Variants in PDZRN4 observed in about 807,000 individuals in gnomAD.
PDZRN4 encodes PDZ domain containing ring finger 4.
A neutral mutation model predicts 99.0 loss-of-function variants in PDZRN4; 70 were observed. The observed-to-expected ratio is 0.71, with a 90% CI of 0.58 to 0.86. The LOEUF (loss-of-function observed/expected upper bound fraction) is 0.86. Among genes scored for constraint, PDZRN4 ranks in the 40% least tolerant of loss-of-function variants. PDZRN4 has a pLI of 0.00. For synonymous variants in PDZRN4, 551 were observed against 501.6 expected, an observed-to-expected ratio of 1.10 and a Z score of -1.32; for missense variants, 1,474 against 1,331.2, an observed-to-expected ratio of 1.11 and a Z score of -1.67.
At chr12:41,211,639 A>G (rs7301200) in intron 3 of PDZRN4, among the ~76,000 whole-genome samples, 104,782 of 151,752 alleles carry the variant, frequency 0.69, 36,451 homozygotes, top group South Asian at 0.75. Flanking sequence ...CAGGAAGAAG[A>G]CCATCTGTAG....
intron 5 of PDZRN4, among the ~76,000 whole-genome samples, chr12:41,531,521 T>C (rs1474520654): frequency 1.3e-5 from 2 of 152,166 alleles, no homozygotes; most frequent in African/African-American, 2.4e-5. Flanking sequence ...TAGGCTTTTA[T>C]AGGCCCAGGA....
At chr12:41,304,163 A>G (rs1951554593) in intron 3 of PDZRN4, among the ~76,000 whole-genome samples, 1 of 152,230 alleles carries the variant, frequency 6.6e-6, no homozygotes, top group Non-Finnish European at 1.5e-5. Context: ...AAAGCATGGA[A>G]GAGTATGCTG....
chr12:41,401,003 A>T (rs1952285207), intron 3 of PDZRN4, among the ~76,000 whole-genome samples: 1 of 152,146 alleles, frequency 6.6e-6, no homozygotes, highest in African/African-American at 2.4e-5. Flanking sequence ...CATTCATTTC[A>T]TGTTGAAGCA....
chr12:41,418,214 A>C (rs1952459929), intron 3 of PDZRN4, among the ~76,000 whole-genome samples: 1 of 152,218 alleles, frequency 6.6e-6, no homozygotes, highest in African/African-American at 2.4e-5. Flanking sequence ...CTTTTTAAAA[A>C]TACTAACATG....
At chr12:41,496,137 G>A (rs1937997155) in intron 3 of PDZRN4, among the ~76,000 whole-genome samples, 1 of 152,078 alleles carries the variant, frequency 6.6e-6, no homozygotes, top group African/African-American at 2.4e-5. Context: ...TCCCATGACT[G>A]TTCTTGGATG....
At chr12:41,538,333 A>G (rs1938784954) in intron 5 of PDZRN4, among the ~76,000 whole-genome samples, 1 of 152,174 alleles carries the variant, frequency 6.6e-6, no homozygotes, top group Non-Finnish European at 1.5e-5. Context: ...TTTGCTTTTT[A>G]TAAAAGTTCT....
chr12:41,209,745 G>A lies in PDZRN4; in HGVS notation c.843+15557G>A, dbSNP rs373951097. ...CCACATTTTCTTAATCCAGTCTATC[G>A]TTGTTGGACATTTGGGTTGGTTCCA... On this transcript the variant is annotated intron_variant, in intron 3 of 9. Coordinates refer to ENST00000402685, the MANE Select transcript of PDZRN4 (RefSeq NM_001164595.2). 9.0e-3 allele frequency among the ~76,000 whole-genome samples: 1,328 copies of A among 147,294 alleles called. 12 individuals carry two copies. The highest frequency in any genetic ancestry group is 0.024 in the African/African-American group (930 of 38,842).
chr12:41,242,690 T>C (rs995135470), intron 3 of PDZRN4, among the ~76,000 whole-genome samples: 2 of 152,182 alleles, frequency 1.3e-5, no homozygotes, highest in Non-Finnish European at 2.9e-5. Context: ...TTTGCCATAT[T>C]GCCCAGGCTG....
intron 3 of PDZRN4, among the ~76,000 whole-genome samples, chr12:41,224,238 T>C (rs993668740): frequency 1.3e-5 from 2 of 152,152 alleles, no homozygotes; most frequent in East Asian, 3.9e-4. Flanking sequence ...TGAGTTGGGC[T>C]TTTATTAACC....
intron 3 of PDZRN4, among the ~76,000 whole-genome samples, chr12:41,355,091 C>T (rs1270506823): frequency 6.6e-6 from 1 of 152,030 alleles, no homozygotes; most frequent in African/African-American, 2.4e-5. Context: ...CCTCTGTTGT[C>T]CTCTGCTTTC....
At chr12:41,433,948 T>C (rs949454371) in intron 3 of PDZRN4, among the ~76,000 whole-genome samples, 2 of 152,196 alleles carry the variant, frequency 1.3e-5, no homozygotes, top group Non-Finnish European at 2.9e-5. Context: ...CTAGGAAAAC[T>C]ACTGCCCCTA....
intron 3 of PDZRN4, among the ~76,000 whole-genome samples, chr12:41,250,926 T>C (rs1281034762): frequency 1.3e-5 from 2 of 152,210 alleles, no homozygotes; most frequent in Non-Finnish European, 2.9e-5. Context: ...CACAAAGAAC[T>C]GCTTTCACTC....
intron 3 of PDZRN4, among the ~76,000 whole-genome samples, chr12:41,410,274 T>C (rs1228264134): frequency 6.6e-6 from 1 of 152,218 alleles, no homozygotes; most frequent in Non-Finnish European, 1.5e-5. Context: ...TTAGAAATCA[T>C]AAGCAATAAA....
chr12:41,287,731 A>G (rs1951430645), intron 3 of PDZRN4, among the ~76,000 whole-genome samples: 1 of 152,226 alleles, frequency 6.6e-6, no homozygotes, highest in Admixed American at 6.5e-5. Flanking sequence ...TCTTTCATAA[A>G]TTAGACTTCC....
chr12:41,307,708 C>A (rs1951581168), intron 3 of PDZRN4, among the ~76,000 whole-genome samples: 1 of 151,324 alleles, frequency 6.6e-6, no homozygotes, highest in African/African-American at 2.4e-5. Flanking sequence ...CCAGAACAAT[C>A]TTTTCACTCT....
At chr12:41,494,995 T>A (rs1244549954) in intron 3 of PDZRN4, among the ~76,000 whole-genome samples, 2 of 152,314 alleles carry the variant, frequency 1.3e-5, no homozygotes, top group East Asian at 3.9e-4. Context: ...ATGCAAGTTC[T>A]ACTTTCTTAT....
chr12:41,369,388 C>T lies in PDZRN4; in HGVS notation c.844-137068C>T, dbSNP rs570619540. Reference sequence around the variant, plus strand: ...TAGTCAAGTGGATATATGATCAATACGGTTACCTTTTCCTCTTGTACTGTT... The same window carrying T: ...TAGTCAAGTGGATATATGATCAATATGGTTACCTTTTCCTCTTGTACTGTT... On this transcript the variant is annotated intron_variant, in intron 3 of 9. Transcript: ENST00000402685. Among the ~76,000 whole-genome samples, 6 of 152,160 alleles carry T rather than the reference C, an allele frequency of 3.9e-5. No homozygotes were observed. The South Asian group carries it at 1.0e-3, about 26-fold the overall frequency.
intron 3 of PDZRN4, among the ~76,000 whole-genome samples, chr12:41,299,646 A>C (rs1951520742): frequency 6.6e-6 from 1 of 152,002 alleles, no homozygotes; most frequent in Non-Finnish European, 1.5e-5. Context: ...TGTTCAGGTA[A>C]TAAAATTATT....
chr12:41,434,137 T>C (rs1358073513), intron 3 of PDZRN4, among the ~76,000 whole-genome samples: 1 of 152,240 alleles, frequency 6.6e-6, no homozygotes, highest in Non-Finnish European at 1.5e-5. Context: ...TTAAAATCTT[T>C]TTAAATCTGT....
Sources: allele counts gnomAD v4.1 joint callset (sites outside exome capture counted in the v4.1 genomes callset), GRCh38; gene constraint gnomAD v4.1.1; transcripts MANE v1.5; gene names NCBI Gene and HGNC (gene_info 2026-07-23, HGNC 2026-07-21).